The following XKR9 variants were observed in gnomAD, a reference collection of about 807,000 sequenced individuals.
The protein encoded by XKR9 is XK related 9.
XKR9 carries 32 observed loss-of-function variants against 32.0 expected under a neutral mutation model. That is an observed-to-expected ratio of 1.00 (90% CI 0.76 to 1.34). The LOEUF (loss-of-function observed/expected upper bound fraction) is 1.34. Ranked by LOEUF, XKR9 falls within the 40% of genes most tolerant of loss-of-function variation. The probability of loss-of-function intolerance (pLI) is 0.00; values close to 1 mark genes in which losing one functional copy is unlikely to be tolerated. For synonymous variants in XKR9, 168 were observed against 143.4 expected (o/e 1.17, Z -1.22); for missense variants, 546 against 429.7 (o/e 1.27, Z -2.39).
chr8:70,689,469 G>GTATTA (rs1819433178), intron 3 of XKR9, among the ~76,000 whole-genome samples: 1 of 147,926 alleles, frequency 6.8e-6, no homozygotes, highest in Admixed American at 6.8e-5. Flanking sequence ...TGTATTTTAT[G>GTATTA]TATATATATG....
At chr8:70,747,429 G>A (rs1807074306) in intron 2 of XKR9, among the ~76,000 whole-genome samples, 1 of 152,130 alleles carries the variant, frequency 6.6e-6, no homozygotes, top group Non-Finnish European at 1.5e-5. Context: ...TACATTAATG[G>A]GTTATAATGG....
the XKR9 span, among the ~76,000 whole-genome samples, chr8:70,916,117 T>C: frequency 8.5e-5 from 13 of 152,214 alleles, no homozygotes; most frequent in African/African-American, 3.1e-4. Flanking sequence ...TTTGGACTCA[T>C]TCATTTCCCA....
At chr8:70,962,039 C>T in the XKR9 span, among the ~76,000 whole-genome samples, 1 of 151,832 alleles carries the variant, frequency 6.6e-6, no homozygotes, top group South Asian at 2.1e-4. Flanking sequence ...GTTATTAATC[C>T]CAATAAAGCA....
chr8:71,018,766 T>A, the XKR9 span, among the ~76,000 whole-genome samples: 1 of 152,194 alleles, frequency 6.6e-6, no homozygotes, highest in African/African-American at 2.4e-5. Context: ...AAAGATGACT[T>A]TCTGAATTAA....
intron 2 of XKR9, among the ~76,000 whole-genome samples, chr8:70,749,283 A>G (rs566048358): frequency 1.3e-5 from 2 of 151,924 alleles, no homozygotes; most frequent in Non-Finnish European, 2.9e-5. Flanking sequence ...GGGCTGAAAC[A>G]TGCTCCATGC....
Position 70,776,947 on chromosome 8 carries a change from C to CTCTCTCTCTCTCTATA in XKR9, n.353-12391_353-12390insCTCTCTCTCTCTATAT. On this transcript the variant is annotated intron_variant and non_coding_transcript_variant, in intron 2 of 3. Transcript: ENST00000520273. The stretch of plus-strand genomic sequence containing the variant: ...TTTCTCTCTCTCTCTCTCTCTCTCT[C>CTCTCTCTCTCTCTATA]TATATATATATATATATGTATGTAT... 5.6e-3 allele frequency among the ~76,000 whole-genome samples: 305 copies of CTCTCTCTCTCTCTATA among 54,200 alleles called. 8 individuals carry two copies. Among genetic ancestry groups the CTCTCTCTCTCTCTATA allele is most frequent in the East Asian group, 0.053 (129 of 2,452 alleles). 35.6% of individuals were successfully genotyped at this position (54,200 alleles called of 152,430 possible). A position where few individuals can be genotyped will look rare whatever the true frequency, so the allele number is the denominator to read the frequency against.
At chr8:70,904,254 T>C in the XKR9 span, among the ~76,000 whole-genome samples, 1 of 152,144 alleles carries the variant, frequency 6.6e-6, no homozygotes, top group Non-Finnish European at 1.5e-5. Context: ...GGAGTCTAAG[T>C]CTCTCTGTAG....
At position 70,755,905 on chromosome 8, in the gene XKR9, TATAATA is replaced by T. The variant is rs546884056; in HGVS notation, n.353-33425_353-33420del. 8.2e-5 allele frequency among the ~76,000 whole-genome samples: 6 copies of T among 73,298 alleles called. No homozygotes were observed. The South Asian group carries it at 1.8e-3, about 22-fold the overall frequency. The allele number at this position is 73,298 out of a possible 152,430, so 48.1% of individuals were successfully genotyped here. A position where few individuals can be genotyped will look rare whatever the true frequency, so the allele number is the denominator to read the frequency against. On this transcript the variant is annotated intron_variant and non_coding_transcript_variant, in intron 2 of 3. Coordinates refer to the XKR9 transcript ENST00000520273. ...TGCACATGTACCCTAAAACTTAAAG[TATAATA>T]ATAATAATTAAAAAAAAGATTTTGG...
chr8:70,957,783 CTTTTTTTTTTTT>C, the XKR9 span, among the ~76,000 whole-genome samples: 3 of 84,816 alleles, frequency 3.5e-5, no homozygotes, highest in African/African-American at 1.3e-4. Context: ...TTCAGTCTAT[CTTTTTTTTTTTT>C]TTTTTTTTTT....
chr8:70,998,203 C>T, the XKR9 span, among the ~76,000 whole-genome samples: 1 of 152,138 alleles, frequency 6.6e-6, no homozygotes, highest in Non-Finnish European at 1.5e-5. Flanking sequence ...CTTTTATCAC[C>T]CGGTATATTT....
At chr8:71,045,890 G>C in the XKR9 span, among the ~76,000 whole-genome samples, 8 of 152,328 alleles carry the variant, frequency 5.3e-5, no homozygotes, top group South Asian at 1.4e-3. Flanking sequence ...AGGCATCCCA[G>C]TAGCTGCAGA....
chr8:70,858,800 C>A, the XKR9 span, among the ~76,000 whole-genome samples: 1 of 152,028 alleles, frequency 6.6e-6, no homozygotes, highest in South Asian at 2.1e-4. Context: ...AACTAGATAA[C>A]TACATGCAGA....
At chr8:70,909,146 C>T in the XKR9 span, among the ~76,000 whole-genome samples, 2 of 152,142 alleles carry the variant, frequency 1.3e-5, no homozygotes, top group South Asian at 4.1e-4. Context: ...TTCTACACTG[C>T]CACATTTCTT....
intron 3 of XKR9, among the ~76,000 whole-genome samples, chr8:70,694,089 G>A (rs1420242034): frequency 2.8e-5 from 4 of 144,388 alleles, no homozygotes; most frequent in Non-Finnish European, 4.5e-5. Context: ...CTTGGGGCCC[G>A]GTCCAGTCCT....
At chr8:70,797,388 C>A in the XKR9 span, among the ~76,000 whole-genome samples, 1 of 152,072 alleles carries the variant, frequency 6.6e-6, no homozygotes, top group Non-Finnish European at 1.5e-5. Flanking sequence ...TAAGTGCCCG[C>A]CTCTACTTGG....
At chr8:70,671,799 T>G (rs1818724741) in intron 1 of XKR9, among the ~76,000 whole-genome samples, 1 of 113,884 alleles carries the variant, frequency 8.8e-6, no homozygotes, top group African/African-American at 2.8e-5. Flanking sequence ...AACATACGTG[T>G]GATTGTTTAT....
chr8:70,746,313 C>T (rs548509770), intron 2 of XKR9, among the ~76,000 whole-genome samples: 2 of 146,986 alleles, frequency 1.4e-5, no homozygotes, highest in African/African-American at 5.0e-5. Context: ...ATCAGAATCA[C>T]CTGAAGTGCT....
intron 3 of XKR9, among the ~76,000 whole-genome samples, chr8:70,686,665 A>G (rs1819290974): frequency 6.6e-6 from 1 of 152,012 alleles, no homozygotes; most frequent in Non-Finnish European, 1.5e-5. Flanking sequence ...GCTGGTTTTG[A>G]ACTTTTAGGC....
At chr8:71,044,468 A>G in the XKR9 span, among the ~76,000 whole-genome samples, 1 of 152,182 alleles carries the variant, frequency 6.6e-6, no homozygotes, top group Non-Finnish European at 1.5e-5. Flanking sequence ...AAAATAAATT[A>G]CCTGAGTGAA....
Sources: gnomAD v4.1 joint callset for allele counts (sites outside exome capture counted in the v4.1 genomes callset) on GRCh38, gnomAD v4.1.1 for gene constraint, MANE v1.5 for transcripts, NCBI Gene and HGNC (gene_info 2026-07-23, HGNC 2026-07-21) for gene names.